The following TANGO6 variants were observed in gnomAD, a reference collection of about 807,000 sequenced individuals.
TANGO6 encodes transport and golgi organization 6 homolog, also known as transport and Golgi organization protein 6 homolog.
TANGO6 carries 90 observed loss-of-function variants against 114.2 expected under a neutral mutation model. That is an observed-to-expected ratio of 0.79 (90% confidence interval 0.66 to 0.94). TANGO6 has a LOEUF of 0.94. TANGO6 is among the 40% of genes least tolerant of loss of function. The pLI is 0.00. For missense variants in TANGO6, 1,274 were observed against 1,315.3 expected, an observed-to-expected ratio of 0.97 and a Z score of 0.49; for synonymous variants, 477 against 509.8, an observed-to-expected ratio of 0.94 and a Z score of 0.87.
intron 1 of TANGO6, among the ~76,000 whole-genome samples, chr16:68,854,032 T>G (rs1243519378): frequency 6.6e-6 from 1 of 152,220 alleles, no homozygotes; most frequent in Non-Finnish European, 1.5e-5. Flanking sequence ...TTGTCATATA[T>G]ATGTACTGCA....
chr16:68,965,587 A>G (rs187949503), intron 14 of TANGO6, among the ~76,000 whole-genome samples: 1 of 152,072 alleles, frequency 6.6e-6, no homozygotes, highest in African/African-American at 2.4e-5. Context: ...AGGTAACTTG[A>G]GCTCAGGAGT....
At chr16:68,918,955 C>T in intron 11 of TANGO6, 130 bp from the exon 12 acceptor site, 2 of 1,050,916 alleles carry the variant, frequency 1.9e-6, no homozygotes, top group Non-Finnish European at 2.7e-6. Flanking sequence ...TGGTAAGTAG[C>T]AGTTGTTCTG....
Position 68,860,255 on chromosome 16 carries a change from G to T in TANGO6, c.466G>T (p.Gly156Cys), listed in dbSNP as rs748280684. ...QFVLQFVVTL[G>C]ICPYLMPGVG... ...CGTTTTGCAGTTTGTAGTTACCTTGGGTATCTGCCCCTATCTCATGCCTGG... is the reference window on the plus strand; with the variant it reads ...CGTTTTGCAGTTTGTAGTTACCTTGTGTATCTGCCCCTATCTCATGCCTGG... Residue 156 changes from glycine (G) to cysteine (C), a missense_variant, in exon 2 of 18, where the codon GGT becomes TGT. Physicochemically the swap from Gly to Cys is radical, Grantham distance 159 (BLOSUM62 -3). This residue lies in a region of TANGO6 where 908 missense variants were observed against 910.2 expected (regional missense o/e 1.00). Coordinates refer to ENST00000261778, the MANE Select transcript of TANGO6 (RefSeq NM_024562.2). The T allele has an allele frequency of 6.2e-7, 1 of 1,613,792 alleles. No individual in the cohort carries two copies. The highest frequency in any genetic ancestry group is 1.3e-5 in the African/African-American group (1 of 74,892).
intron 15 of TANGO6, among the ~76,000 whole-genome samples, chr16:68,980,409 C>CTCTCTCTCTCTATA (rs1408626276): frequency 1.5e-5 from 1 of 68,006 alleles, no homozygotes; most frequent in African/African-American, 6.6e-5. Context: ...CTCTCTCTCT[C>CTCTCTCTCTCTATA]TATATATATA....
intron 7 of TANGO6, among the ~76,000 whole-genome samples, chr16:68,898,649 C>T (rs765754863): frequency 1.5e-4 from 23 of 152,042 alleles, no homozygotes; most frequent in Middle Eastern, 6.8e-3. Context: ...CGCTTTCACC[C>T]GCAAAATAGG....
chr16:68,902,314 G>C lies in TANGO6; in HGVS notation c.1491-14G>C. 2 of 1,603,456 alleles carry C rather than the reference G, an allele frequency of 1.2e-6. No homozygotes were observed. Among genetic ancestry groups the C allele is most frequent in the Non-Finnish European group, 1.7e-6 (2 of 1,175,480 alleles). On this transcript the variant is annotated splice_polypyrimidine_tract_variant and intron_variant, in intron 8 of 17. Transcript: ENST00000261778. ...TAAGATGACAAGCTCATTCATAACT[G>C]CTTTTTCTGCCAGGTCACTTTGCCA...
At position 68,964,862 on chromosome 16, in the gene TANGO6, C is replaced by T. The variant is rs187831633; in HGVS notation, c.2702-9166C>T. ...GGGATTACAGGCGTGAGCCACTGCACCTGCCCTTATTCATTTTTTAAATGG... is the reference window on the plus strand; with the variant it reads ...GGGATTACAGGCGTGAGCCACTGCATCTGCCCTTATTCATTTTTTAAATGG... On this transcript the variant is annotated intron_variant, in intron 14 of 17. Coordinates refer to ENST00000261778, the MANE Select transcript of TANGO6 (RefSeq NM_024562.2). Among the ~76,000 whole-genome samples the T allele has an allele frequency of 3.3e-5, 5 of 152,256 alleles. No individual in the cohort carries two copies. The East Asian group carries it at 9.7e-4, about 29-fold the overall frequency.
Position 68,860,356 on chromosome 16 carries a change from C to T in TANGO6, c.567C>T (p.Pro189=), listed in dbSNP as rs199552062. ...ACGTGGTGTGTTTTGATGCTGCCCC[C>T]GATGCAACTCGAAGACTGTACACCA... ...VQDVVCFDAA[P]DATRRLYTSC... is the part of the protein sequence containing the mutation. Residue 189 remains proline, a synonymous_variant, in exon 2 of 18, where the codon CCC becomes CCT. Transcript: ENST00000261778. 42 of 1,613,966 alleles carry T rather than the reference C, an allele frequency of 2.6e-5. No homozygotes were observed. In the African/African-American group the frequency reaches 2.8e-4, roughly 11 times the overall value.
intron 16 of TANGO6, among the ~76,000 whole-genome samples, chr16:69,032,174 G>A (rs530206886): frequency 2.6e-5 from 4 of 152,106 alleles, no homozygotes; most frequent in Non-Finnish European, 4.4e-5. Context: ...GGAGCCTTGT[G>A]TGGACTTTGG....
chr16:68,930,226 T>A lies in TANGO6; in HGVS notation c.2644-12T>A. ...TTGTAAATCTTATCACTGCTGTATT[T>A]TGTGGTTCCAGATATTCTTGGAAAA... On this transcript the variant is annotated splice_polypyrimidine_tract_variant and intron_variant, in intron 13 of 17. Coordinates refer to ENST00000261778, the MANE Select transcript of TANGO6 (RefSeq NM_024562.2). 1 of 1,551,698 alleles carries A rather than the reference T, an allele frequency of 6.4e-7. No homozygotes were observed.
intron 15 of TANGO6, among the ~76,000 whole-genome samples, chr16:68,976,732 A>G (rs1963768709): frequency 6.6e-6 from 1 of 152,180 alleles, no homozygotes; most frequent in South Asian, 2.1e-4. Flanking sequence ...GGCCATATTG[A>G]ATTTTGAGAA....
chr16:68,954,039 A>G (rs990959504), intron 14 of TANGO6, among the ~76,000 whole-genome samples: 1 of 152,096 alleles, frequency 6.6e-6, no homozygotes, highest in South Asian at 2.1e-4. Context: ...CAGGAGTTCG[A>G]GACCAGCCTG....
chr16:68,999,993 A>G (rs912720882), intron 15 of TANGO6, among the ~76,000 whole-genome samples: 6 of 152,372 alleles, frequency 3.9e-5, no homozygotes, highest in Non-Finnish European at 5.9e-5. Flanking sequence ...AGCGGATCAA[A>G]ACAAGACAAT....
chr16:68,894,261 G>C lies in TANGO6; in HGVS notation c.1378-6173G>C, dbSNP rs141245470. 6.6e-5 allele frequency among the ~76,000 whole-genome samples: 10 copies of C among 152,326 alleles called. No individual in the cohort carries two copies. The East Asian group carries it at 1.9e-3, about 29-fold the overall frequency. ...ATGATCAGGGGACGATAAGAGGGAA[G>C]TGACCAGATTCTACTTTGGGAGTGT... On this transcript the variant is annotated intron_variant, in intron 7 of 17. Coordinates refer to ENST00000261778, the MANE Select transcript of TANGO6 (RefSeq NM_024562.2).
chr16:69,061,946 G>A (rs1960124567), intron 17 of TANGO6, among the ~76,000 whole-genome samples: 1 of 152,050 alleles, frequency 6.6e-6, no homozygotes, highest in Non-Finnish European at 1.5e-5. Flanking sequence ...GTGAACCCAG[G>A]AGGCGGAGGT....
chr16:68,915,525 A>G (rs1055985919), intron 11 of TANGO6, among the ~76,000 whole-genome samples: 1 of 152,154 alleles, frequency 6.6e-6, no homozygotes, highest in Non-Finnish European at 1.5e-5. Context: ...TTGGCCTCCC[A>G]AAGTATTAGG....
At chr16:69,020,021 A>T (rs1205209153) in intron 15 of TANGO6, among the ~76,000 whole-genome samples, 3 of 152,236 alleles carry the variant, frequency 2.0e-5, no homozygotes, top group Non-Finnish European at 4.4e-5. Context: ...CATTCTGAGA[A>T]ATGTGTAGTT....
At chr16:69,041,370 C>T (rs1005073897) in intron 17 of TANGO6, among the ~76,000 whole-genome samples, 3 of 151,072 alleles carry the variant, frequency 2.0e-5, no homozygotes, top group Non-Finnish European at 4.4e-5. Flanking sequence ...TGCTTGAACC[C>T]GGGAGGCGGA....
chr16:68,886,218 A>ATT (rs796877466), intron 7 of TANGO6, among the ~76,000 whole-genome samples: 2 of 143,946 alleles, frequency 1.4e-5, no homozygotes. Flanking sequence ...CCCTTTGTCC[A>ATT]TTTTTTTTTT....
Sources: gnomAD v4.1 joint callset for allele counts (sites outside exome capture counted in the v4.1 genomes callset) on GRCh38, gnomAD v4.1.1 for gene constraint, gnomAD v4.1.1 regional missense constraint, MANE v1.5 for transcripts, NCBI Gene and HGNC (gene_info 2026-07-23, HGNC 2026-07-21) for gene names.